The following DNAH14 variants were observed in gnomAD, a reference collection of about 807,000 sequenced individuals.
DNAH14 encodes the protein axonemal beta dynein heavy chain 14.
In DNAH14, 478 loss-of-function variants were observed where a neutral mutation model predicts 520.9. That is an observed-to-expected ratio of 0.92 (90% CI 0.85 to 0.99). DNAH14 has a LOEUF of 0.99. Ranked by LOEUF, DNAH14 falls within the 50% of genes least tolerant of loss-of-function variation. The probability of loss-of-function intolerance (pLI) is 0.00; values close to 1 mark genes in which losing one functional copy is unlikely to be tolerated. For missense variants in DNAH14, 4,831 were observed against 5,234.5 expected, an observed-to-expected ratio of 0.92 and a Z score of 2.38; for synonymous variants, 1,581 against 1,757.2, an observed-to-expected ratio of 0.90 and a Z score of 2.51.
chr1:225,324,099 AGCC>A (rs778977856), intron 62 of DNAH14, 120 bp from the exon 63 acceptor site: 44 of 1,244,324 alleles, frequency 3.5e-5, no homozygotes, highest in Non-Finnish European at 4.4e-5. Flanking sequence ...TATAGGCATG[AGCC>A]GCCGCCCCCG....
At chr1:225,370,829 C>T (rs1355727130) in intron 77 of DNAH14, among the ~76,000 whole-genome samples, 1 of 152,024 alleles carries the variant, frequency 6.6e-6, no homozygotes, top group South Asian at 2.1e-4. Flanking sequence ...TTTTAAAATT[C>T]TTTTCATATA....
intron 36 of DNAH14, among the ~76,000 whole-genome samples, chr1:225,177,318 T>G (rs927363025): frequency 5.3e-5 from 8 of 152,186 alleles, no homozygotes; most frequent in African/African-American, 1.9e-4. Context: ...TTTAAAAGCA[T>G]TCCATTTTAT....
rs2068411684 is a variant in DNAH14, at chr1:225,050,238, C to G, written c.1941C>G (p.Pro647=). The G allele has an allele frequency of 2.6e-6, 4 of 1,543,308 alleles. No individual in the cohort carries two copies. The highest frequency in any genetic ancestry group is 3.5e-6 in the Non-Finnish European group (4 of 1,144,612). ...CAATTACTCCTCTTTGCCAAGATCC[C>G]CAGCTGTCTATCTTCATTGATTTGG... ...ITTITPLCQD[P]QLSIFIDLVS... is the part of the protein sequence containing the mutation. Residue 647 remains proline (P), a synonymous_variant, in exon 16 of 86, where the codon CCC becomes CCG. Coordinates refer to ENST00000682510, the MANE Select transcript of DNAH14 (RefSeq NM_001367479.1).
chr1:224,960,080 G>T (rs2060749345), intron 3 of DNAH14, 73 bp from the exon 4 acceptor site: 1 of 1,376,208 alleles, frequency 7.3e-7, no homozygotes, highest in Non-Finnish European at 9.7e-7. Flanking sequence ...CTGTATTGCT[G>T]GGTATGTGGA....
At chr1:225,345,846 A>G (rs1487482221) in intron 69 of DNAH14, 116 bp from the exon 70 acceptor site, 1 of 784,830 alleles carries the variant, frequency 1.3e-6, no homozygotes, top group Non-Finnish European at 1.9e-6. Context: ...CGTCTCTGAC[A>G]TAAAGCCAAT....
In DNAH14 at chr1:225,051,585, A is replaced by T; in HGVS notation, c.2214A>T (p.Leu738Phe). 1.9e-6 allele frequency: 3 copies of T among 1,551,048 alleles called. No individual in the cohort carries two copies. The highest frequency in any genetic ancestry group is 2.6e-6 in the Non-Finnish European group (3 of 1,146,600). The change falls in exon 17 of 86, where the codon TTA (leucine) becomes TTT (phenylalanine). Residue 738 changes from leucine to phenylalanine, a missense_variant. Coordinates refer to ENST00000682510, the MANE Select transcript of DNAH14 (RefSeq NM_001367479.1). ...MSMKISSMGE[L>F]TSKEFEAILN... ...TGAAAATATCATCTATGGGAGAATT[A>T]ACTTCAAAAGAATTTGAAGCTATTC...
intron 26 of DNAH14, among the ~76,000 whole-genome samples, chr1:225,123,010 A>C (rs917718638): frequency 5.8e-4 from 89 of 152,336 alleles, no homozygotes; most frequent in African/African-American, 2.0e-3. Context: ...AGGAAACTTA[A>C]AACTCCATAT....
chr1:225,320,954 A>G (rs1032556132), intron 61 of DNAH14, among the ~76,000 whole-genome samples: 1 of 152,158 alleles, frequency 6.6e-6, no homozygotes, highest in African/African-American at 2.4e-5. Context: ...TTATATTCAC[A>G]TCGTATTTGT....
At chr1:225,166,233 C>T (rs760385803) in intron 35 of DNAH14, among the ~76,000 whole-genome samples, 4 of 152,066 alleles carry the variant, frequency 2.6e-5, no homozygotes, top group Non-Finnish European at 4.4e-5. Flanking sequence ...TTTGAGCCTT[C>T]TTATATATTC....
At chr1:225,057,047 GT>G (rs561999975) in intron 17 of DNAH14, among the ~76,000 whole-genome samples, 63 of 152,210 alleles carry the variant, frequency 4.1e-4, no homozygotes, top group African/African-American at 1.3e-3. Flanking sequence ...CTTTAAAGTA[GT>G]TTTTTTCCAA....
Position 225,080,671 on chromosome 1 carries a change from C to G in DNAH14, c.3059C>G (p.Ser1020Cys). The change falls in exon 19 of 86, where the codon TCT (serine) becomes TGT (cysteine). Residue 1020 changes from serine to cysteine, a missense_variant. Physicochemically the swap from Ser to Cys is moderately radical, Grantham distance 112. Coordinates refer to ENST00000682510, the MANE Select transcript of DNAH14 (RefSeq NM_001367479.1). The part of the protein sequence containing the change: ...KRASWEWRNS[S>C]LQSIDVESVQ... ...GCCTCTTGGGAATGGAGGAATAGTT[C>G]TCTTCAAAGTATTGATGTAGAATCA... The G allele has an allele frequency of 6.4e-7, 1 of 1,551,658 alleles. No homozygotes were observed. Among genetic ancestry groups the G allele is most frequent in the Non-Finnish European group, 8.7e-7 (1 of 1,146,892 alleles).
At chr1:225,072,413 C>T (rs1489910534) in intron 17 of DNAH14, among the ~76,000 whole-genome samples, 1 of 152,102 alleles carries the variant, frequency 6.6e-6, no homozygotes, top group Non-Finnish European at 1.5e-5. Flanking sequence ...TCTTTACTGG[C>T]TATTTTGTCT....
chr1:225,193,523 C>T (rs184650901), intron 38 of DNAH14, among the ~76,000 whole-genome samples: 25 of 152,046 alleles, frequency 1.6e-4, no homozygotes, highest in Non-Finnish European at 2.9e-5. Context: ...GACTCTATCT[C>T]AAAGAATAAG....
intron 55 of DNAH14, among the ~76,000 whole-genome samples, chr1:225,296,522 T>TG (rs398038269): frequency 2.0e-5 from 3 of 151,260 alleles, no homozygotes; most frequent in Non-Finnish European, 4.4e-5. Context: ...TTTTTTTTTT[T>TG]GCAGTGATAG....
intron 76 of DNAH14, 74 bp downstream of exon 76, chr1:225,364,968 ACT>A (rs1178308284): frequency 1.9e-6 from 2 of 1,080,498 alleles, no homozygotes; most frequent in African/African-American, 3.2e-5. Context: ...TACATTCAAA[ACT>A]CTGAGTTTAA....
chr1:225,350,398 T>C (rs1448449357), intron 71 of DNAH14, among the ~76,000 whole-genome samples: 1 of 151,324 alleles, frequency 6.6e-6, no homozygotes, highest in African/African-American at 2.4e-5. Context: ...GCAAAAGGAT[T>C]GAAATAATAA....
At chr1:225,178,273 A>G (rs2083550115) in intron 36 of DNAH14, among the ~76,000 whole-genome samples, 1 of 152,160 alleles carries the variant, frequency 6.6e-6, no homozygotes, top group Non-Finnish European at 1.5e-5. Context: ...AAGAGATTTA[A>G]TTGGATTTAC....
chr1:224,964,737 A>C, intron 5 of DNAH14, 128 bp downstream of exon 5: 7 of 844,734 alleles, frequency 8.3e-6, no homozygotes, highest in Non-Finnish European at 1.0e-5. Context: ...CAATTATTTC[A>C]TGGTAAATGC....
At chr1:224,964,127 C>T (rs570168455) in intron 4 of DNAH14, among the ~76,000 whole-genome samples, 1 of 152,150 alleles carries the variant, frequency 6.6e-6, no homozygotes, top group East Asian at 1.9e-4. Flanking sequence ...GTCTCCATCC[C>T]ACACTGTCAT....
Sources: gnomAD v4.1 joint callset for allele counts (sites outside exome capture counted in the v4.1 genomes callset) on GRCh38, gnomAD v4.1.1 for gene constraint, MANE v1.5 for transcripts, NCBI Gene and HGNC (gene_info 2026-07-23, HGNC 2026-07-21) for gene names.